Variants in KCNH7 observed in about 807,000 individuals in gnomAD.
The protein encoded by KCNH7 is voltage-gated inwardly rectifying potassium channel KCNH7.
In KCNH7, 49 loss-of-function variants were observed where a neutral mutation model predicts 120.8. The observed-to-expected ratio is 0.41, with a 90% CI of 0.32 to 0.51. The LOEUF is 0.51. Among genes scored for constraint, KCNH7 ranks in the 20% least tolerant of loss-of-function variants. The pLI, the probability that KCNH7 is intolerant of heterozygous loss-of-function variation, is 0.38. For synonymous variants in KCNH7, 547 were observed against 516.1 expected, an observed-to-expected ratio of 1.06 and a Z score of -0.81; for missense variants, 1,097 against 1,446.6, an observed-to-expected ratio of 0.76 and a Z score of 3.92.
chr2:162,397,737 T>C (rs958697038), intron 10 of KCNH7, among the ~76,000 whole-genome samples: 1 of 151,906 alleles, frequency 6.6e-6, no homozygotes, highest in Non-Finnish European at 1.5e-5. Context: ...CCAGGCACTG[T>C]GTCAAATGCT....
At chr2:162,390,330 G>C (rs900135883) in intron 12 of KCNH7, among the ~76,000 whole-genome samples, 1 of 150,358 alleles carries the variant, frequency 6.7e-6, no homozygotes, top group Non-Finnish European at 1.5e-5. Context: ...TATATATCCT[G>C]TGCCATTATA....
chr2:162,480,431 G>T (rs181623552), intron 6 of KCNH7, among the ~76,000 whole-genome samples: 169 of 152,284 alleles, frequency 1.1e-3, no homozygotes, highest in South Asian at 2.5e-3. Context: ...TTGGGAGGGT[G>T]TAAACCAGAG....
At chr2:162,801,231 T>C (rs1261769601) in intron 2 of KCNH7, among the ~76,000 whole-genome samples, 1 of 151,110 alleles carries the variant, frequency 6.6e-6, no homozygotes, top group Non-Finnish European at 1.5e-5. Context: ...AAGATATTAG[T>C]GGGGATTTAA....
chr2:162,777,514 A>G (rs1683287781), intron 2 of KCNH7, among the ~76,000 whole-genome samples: 1 of 152,158 alleles, frequency 6.6e-6, no homozygotes, highest in Non-Finnish European at 1.5e-5. Context: ...TACTTATGGT[A>G]GTAAAAGTGT....
intron 2 of KCNH7, among the ~76,000 whole-genome samples, chr2:162,559,182 G>A (rs930364868): frequency 6.6e-6 from 1 of 151,726 alleles, no homozygotes; most frequent in Non-Finnish European, 1.5e-5. Flanking sequence ...TTGCTACAGT[G>A]TTTTTAGGCA....
intron 11 of KCNH7, 107 bp downstream of exon 11, chr2:162,396,633 T>C: frequency 1.3e-6 from 1 of 759,518 alleles, no homozygotes. Flanking sequence ...TCAGAATTGG[T>C]AAAGTCTTGC....
rs141668977 is a variant in KCNH7 at position 162,626,239 on chromosome 2, A to T, written c.308-89159T>A. On this transcript the variant is annotated intron_variant, in intron 2 of 15. Transcript: ENST00000332142. Reference sequence around the variant, plus strand: ...GCAAACAGGCGATTTGTTAATTAAGACAATAAATATTTAGACACAGAATAC... The same window carrying T: ...GCAAACAGGCGATTTGTTAATTAAGTCAATAAATATTTAGACACAGAATAC... Among the ~76,000 whole-genome samples the T allele has an allele frequency of 7.2e-3, 1,104 of 152,308 alleles. 19 individuals carry two copies. The highest frequency in any genetic ancestry group is 0.025 in the African/African-American group (1,048 of 41,584).
rs575746735 is a variant in KCNH7, at chr2:162,717,308, T to G, written c.307+119229A>C. On this transcript the variant is annotated intron_variant, in intron 2 of 15. Transcript: ENST00000332142. ...ACTACTGCTTTCCCCATTTGGCAGG[T>G]GGGGATCCAAAACATGGAGAGGTTA... Among the ~76,000 whole-genome samples, 26 of 152,218 alleles carry G rather than the reference T, an allele frequency of 1.7e-4. 1 individual carries two copies. Among genetic ancestry groups the G allele is most frequent in the African/African-American group, 5.5e-4 (23 of 41,556 alleles).
intron 2 of KCNH7, among the ~76,000 whole-genome samples, chr2:162,624,503 T>C (rs2105202302): frequency 6.6e-6 from 1 of 152,296 alleles, no homozygotes; most frequent in Non-Finnish European, 1.5e-5. Flanking sequence ...CAATAGTGCC[T>C]AGAAATGCAT....
chr2:162,439,309 G>A (rs1006012916), intron 7 of KCNH7, among the ~76,000 whole-genome samples: 2 of 151,940 alleles, frequency 1.3e-5, no homozygotes, highest in Admixed American at 1.3e-4. Context: ...ACTAAAAAGA[G>A]CATAAAAGCT....
intron 2 of KCNH7, among the ~76,000 whole-genome samples, chr2:162,575,152 G>A (rs1352758537): frequency 3.9e-5 from 6 of 151,992 alleles, no homozygotes; most frequent in Non-Finnish European, 1.5e-5. Flanking sequence ...TCTAGAACTG[G>A]GAATTTGACC....
intron 6 of KCNH7, among the ~76,000 whole-genome samples, chr2:162,450,383 A>T (rs1410958834): frequency 6.6e-6 from 1 of 152,060 alleles, no homozygotes; most frequent in Admixed American, 6.6e-5. Context: ...CTGGTATGGT[A>T]TCAAATGTTA....
At chr2:162,621,274 T>TTTTTTTTTTTTTTC (rs1440746339) in intron 2 of KCNH7, among the ~76,000 whole-genome samples, 1 of 141,930 alleles carries the variant, frequency 7.0e-6, no homozygotes, top group African/African-American at 2.6e-5. Context: ...TTTTTTTTTT[T>TTTTTTTTTTTTTTC]TTTAAGAGAG....
At chr2:162,433,383 A>G (rs2105516263) in intron 8 of KCNH7, among the ~76,000 whole-genome samples, 1 of 152,250 alleles carries the variant, frequency 6.6e-6, no homozygotes, top group Middle Eastern at 3.4e-3. Context: ...AAACTATACT[A>G]TAAGGTCACA....
intron 2 of KCNH7, among the ~76,000 whole-genome samples, chr2:162,836,065 G>T (rs545107168): frequency 1.5e-4 from 23 of 152,122 alleles, no homozygotes; most frequent in African/African-American, 2.4e-4. Context: ...GAAACAAGAG[G>T]TGTTGCCTAT....
chr2:162,688,392 A>G (rs1685973324), intron 2 of KCNH7, among the ~76,000 whole-genome samples: 1 of 152,108 alleles, frequency 6.6e-6, no homozygotes, highest in African/African-American at 2.4e-5. Context: ...GTTGTACACT[A>G]TGCCTAGAAT....
chr2:162,679,459 T>C (rs1444118498), intron 2 of KCNH7, among the ~76,000 whole-genome samples: 1 of 151,608 alleles, frequency 6.6e-6, no homozygotes, highest in Non-Finnish European at 1.5e-5. Flanking sequence ...TATTAAACCT[T>C]TAAAAACTCC....
At chr2:162,486,764 C>T (rs1053615634) in intron 6 of KCNH7, among the ~76,000 whole-genome samples, 2 of 152,104 alleles carry the variant, frequency 1.3e-5, no homozygotes, top group African/African-American at 4.8e-5. Context: ...ATTAATTCCT[C>T]AGAATATCAA....
At chr2:162,408,307 A>G (rs1687290223) in intron 9 of KCNH7, among the ~76,000 whole-genome samples, 1 of 152,058 alleles carries the variant, frequency 6.6e-6, no homozygotes, top group African/African-American at 2.4e-5. Flanking sequence ...TTAAGACTGG[A>G]CAACAATTGT....
Sources: allele counts gnomAD v4.1 joint callset (sites outside exome capture counted in the v4.1 genomes callset), GRCh38; gene constraint gnomAD v4.1.1; transcripts MANE v1.5; gene names NCBI Gene and HGNC (gene_info 2026-07-23, HGNC 2026-07-21).